Variants in HERC3 observed in about 807,000 individuals in gnomAD.
The protein encoded by HERC3 is HECT and RLD domain containing E3 ubiquitin protein ligase 3.
A neutral mutation model predicts 129.9 loss-of-function variants in HERC3; 58 were observed. That is an observed-to-expected ratio of 0.45 (90% CI 0.36 to 0.56). HERC3 has a LOEUF of 0.56. Ranked by LOEUF, HERC3 falls within the 20% of genes least tolerant of loss-of-function variation. The pLI is 0.00. For missense variants in HERC3, 835 were observed against 1,244.2 expected (o/e 0.67, Z 4.95); for synonymous variants, 430 against 451.0 (o/e 0.95, Z 0.59).
the HERC3 span, among the ~76,000 whole-genome samples, chr4:88,535,971 A>G: frequency 6.6e-6 from 1 of 152,204 alleles, no homozygotes; most frequent in African/African-American, 2.4e-5. Flanking sequence ...CCTTATTACA[A>G]TAAACACAAA....
the HERC3 span, among the ~76,000 whole-genome samples, chr4:88,532,419 G>A: frequency 6.6e-6 from 1 of 152,156 alleles, no homozygotes; most frequent in Non-Finnish European, 1.5e-5. Context: ...GGGCAGGGGA[G>A]TATATATGGC....
chr4:88,602,254 T>G (rs189760917), intron 2 of HERC3, among the ~76,000 whole-genome samples: 6 of 150,592 alleles, frequency 4.0e-5, no homozygotes, highest in African/African-American at 1.5e-4. Flanking sequence ...ACCAAAAAAA[T>G]AGTGGGGTGT....
the HERC3 span, among the ~76,000 whole-genome samples, chr4:88,537,554 G>A: frequency 5.3e-5 from 8 of 152,154 alleles, no homozygotes; most frequent in South Asian, 2.1e-4. Context: ...AAAGTGGTCC[G>A]TTTAAGTTGT....
At chr4:88,570,725 C>T in the HERC3 span, among the ~76,000 whole-genome samples, 1 of 151,798 alleles carries the variant, frequency 6.6e-6, no homozygotes, top group Non-Finnish European at 1.5e-5. Flanking sequence ...ATCAACCTTG[C>T]GAGTTACGTA....
chr4:88,579,232 A>AAAAATATATATATAT, the HERC3 span, among the ~76,000 whole-genome samples: 10 of 104,092 alleles, frequency 9.6e-5, no homozygotes, highest in African/African-American at 6.1e-4. Context: ...AAAAAAAAAA[A>AAAAATATATATATAT]ATATATATAT....
the HERC3 span, chr4:88,525,059 G>T: frequency 6.6e-6 from 1 of 150,642 alleles, no homozygotes; most frequent in African/African-American, 2.4e-5. Flanking sequence ...GATGTTCTTT[G>T]TTCACTAATG....
intron 3 of HERC3, among the ~76,000 whole-genome samples, chr4:88,606,496 A>T (rs1453244636): frequency 6.6e-6 from 1 of 152,082 alleles, no homozygotes; most frequent in Non-Finnish European, 1.5e-5. Flanking sequence ...CAGAGTTAGA[A>T]TAAAATAGAT....
Position 88,687,326 on chromosome 4 carries a change from GA to G in HERC3, c.2657+28del, listed in dbSNP as rs551171198. On this transcript the variant is annotated intron_variant, in intron 23 of 25. Coordinates refer to ENST00000402738, the MANE Select transcript of HERC3 (RefSeq NM_014606.3). ...TTAGTCCTGACCTTGGACTGTTGCA[GA>G]TACTGCTACTTCATATTTCTGCAGT... The G allele has an allele frequency of 1.1e-4, 150 of 1,427,646 alleles. No individual in the cohort carries two copies. The East Asian group carries it at 3.2e-3, about 30-fold the overall frequency. The allele number at this position is 1,427,646 out of a possible 1,614,324, so 88.4% of individuals were successfully genotyped here.
At chr4:88,667,596 T>C (rs1185707797) in intron 13 of HERC3, 108 bp downstream of exon 13, 2 of 695,076 alleles carry the variant, frequency 2.9e-6, no homozygotes, top group Non-Finnish European at 4.8e-6. Flanking sequence ...TCTCCAAATC[T>C]TAATTTTGTA....
chr4:88,688,404 G>A (rs2149327764), intron 23 of HERC3, among the ~76,000 whole-genome samples: 1 of 152,220 alleles, frequency 6.6e-6, no homozygotes, highest in South Asian at 2.1e-4. Flanking sequence ...CGTGTGCAGG[G>A]ATACCCATTA....
rs1381347503 is a variant in HERC3, at chr4:88,658,341, C to T, written c.1070-74C>T. ...GGTACCCACTCTGAAGTGTATTCTG[C>T]GACAGTAGAAAAGGGGATCAAGGAG... On this transcript the variant is annotated intron_variant, in intron 9 of 25. Transcript: ENST00000402738. 29 of 758,058 alleles carry T rather than the reference C, an allele frequency of 3.8e-5. 1 individual carries two copies. Among genetic ancestry groups the T allele is most frequent in the South Asian group, 8.4e-5 (5 of 59,476 alleles). The allele number at this position is 758,058 out of a possible 1,614,324, so 47.0% of individuals were successfully genotyped here.
chr4:88,700,015 C>T (rs1350396972), intron 23 of HERC3, among the ~76,000 whole-genome samples: 2 of 151,944 alleles, frequency 1.3e-5, no homozygotes, highest in Non-Finnish European at 2.9e-5. Context: ...CTGTGCTGTT[C>T]TCTGTCTCAG....
Position 88,680,138 on chromosome 4 carries a change from A to G in HERC3, c.2242A>G (p.Lys748Glu), listed in dbSNP as rs1324316298. 1 of 1,613,286 alleles carries G rather than the reference A, an allele frequency of 6.2e-7. No individual in the cohort carries two copies. The highest frequency in any genetic ancestry group is 1.3e-5 in the African/African-American group (1 of 74,900). ...EEAVDAGGVT[K>E]EFFLLLLKEL... is the part of the protein sequence containing the mutation. The stretch of plus-strand genomic sequence containing the variant: ...AGCAGTGGATGCCGGTGGTGTTACA[A>G]AGGAATTTTTTCTTTTGCTGTTAAA... Residue 748 changes from lysine to glutamate, a missense_variant, in exon 20 of 26, where the codon AAG becomes GAG. By Grantham distance (56) the Lys-to-Glu change is moderately conservative. Coordinates refer to ENST00000402738, the MANE Select transcript of HERC3 (RefSeq NM_014606.3).
At chr4:88,584,370 T>A in the HERC3 span, among the ~76,000 whole-genome samples, 4 of 152,194 alleles carry the variant, frequency 2.6e-5, no homozygotes, top group African/African-American at 9.7e-5. Context: ...TCAGCACAGT[T>A]AATTAGAACA....
At chr4:88,671,041 G>A (rs1028517820) in intron 16 of HERC3, among the ~76,000 whole-genome samples, 9 of 151,952 alleles carry the variant, frequency 5.9e-5, no homozygotes, top group African/African-American at 2.2e-4. Flanking sequence ...CTGACCAAGT[G>A]CTGTCTCACC....
chr4:88,671,089 T>G (rs1731566486), intron 16 of HERC3, among the ~76,000 whole-genome samples: 1 of 152,242 alleles, frequency 6.6e-6, no homozygotes, highest in South Asian at 2.1e-4. Flanking sequence ...TGTGGATTCC[T>G]GCCTACCACC....
At chr4:88,657,657 G>A (rs938189504) in intron 9 of HERC3, among the ~76,000 whole-genome samples, 1 of 152,180 alleles carries the variant, frequency 6.6e-6, no homozygotes, top group Non-Finnish European at 1.5e-5. Flanking sequence ...GTAAATGTCA[G>A]TTATGTAAAT....
chr4:88,642,658 A>C (rs1001193084), intron 3 of HERC3, among the ~76,000 whole-genome samples: 10 of 152,228 alleles, frequency 6.6e-5, no homozygotes, highest in Non-Finnish European at 1.3e-4. Flanking sequence ...GAAAGGGGCT[A>C]GCTAGCCAGC....
At chr4:88,560,118 C>T in the HERC3 span, among the ~76,000 whole-genome samples, 1 of 152,046 alleles carries the variant, frequency 6.6e-6, no homozygotes, top group South Asian at 2.1e-4. Context: ...CACCACCAAG[C>T]CTGGCTAATT....
Sources: gnomAD v4.1 joint callset for allele counts (sites outside exome capture counted in the v4.1 genomes callset) on GRCh38, gnomAD v4.1.1 for gene constraint, MANE v1.5 for transcripts, NCBI Gene and HGNC (gene_info 2026-07-23, HGNC 2026-07-21) for gene names.